Variants in DHRS12 observed in about 807,000 individuals in gnomAD.
DHRS12 encodes dehydrogenase/reductase 12.
Under a neutral mutation model 32.1 loss-of-function variants are expected in DHRS12, and 29 were observed. The ratio of observed to expected loss-of-function variants is 0.90; its 90% CI spans 0.67 to 1.23. DHRS12 has a LOEUF of 1.23. Among genes scored for constraint, DHRS12 ranks in the 50% most tolerant of loss-of-function variants. The pLI is 0.00. For synonymous variants in DHRS12, 150 were observed against 135.9 expected (o/e 1.10, Z -0.72); for missense variants, 330 against 337.2 (o/e 0.98, Z 0.17).
At chr13:51,785,250 G>A (rs1313851225) in intron 4 of DHRS12, among the ~76,000 whole-genome samples, 1 of 151,992 alleles carries the variant, frequency 6.6e-6, no homozygotes, top group Non-Finnish European at 1.5e-5. Context: ...AATGTTTATG[G>A]AACAAATAAG....
chr13:51,759,455 G>A, the DHRS12 span, among the ~76,000 whole-genome samples: 3 of 152,234 alleles, frequency 2.0e-5, no homozygotes, highest in East Asian at 5.8e-4. Flanking sequence ...CTCACAGGAG[G>A]ATCTGCAGTG....
chr13:51,779,346 C>A (rs1222623369), intron 4 of DHRS12, among the ~76,000 whole-genome samples: 8 of 152,192 alleles, frequency 5.3e-5, no homozygotes, highest in African/African-American at 1.7e-4. Flanking sequence ...GGGTAGGCCC[C>A]AAACACATCC....
chr13:51,759,180 C>A, the DHRS12 span, among the ~76,000 whole-genome samples: 1 of 152,106 alleles, frequency 6.6e-6, no homozygotes, highest in Non-Finnish European at 1.5e-5. Flanking sequence ...GACCCTGTCT[C>A]AAAATAATTA....
intron 2 of DHRS12, among the ~76,000 whole-genome samples, chr13:51,797,200 G>A (rs1228831198): frequency 6.6e-6 from 1 of 152,202 alleles, no homozygotes; most frequent in Non-Finnish European, 1.5e-5. Flanking sequence ...CTATACAGCT[G>A]CACACGCCCT....
downstream of DHRS12, chr13:51,764,664 A>G (rs1252085573): frequency 6.6e-6 from 1 of 152,216 alleles, no homozygotes; most frequent in African/African-American, 2.4e-5. Flanking sequence ...CAATGCTACT[A>G]TTAGTTTATA....
the DHRS12 span, chr13:51,760,888 C>A: frequency 6.6e-6 from 1 of 152,192 alleles, no homozygotes; most frequent in Non-Finnish European, 1.5e-5. Flanking sequence ...CTGATGGGTG[C>A]CCCCATTCCT....
intron 7 of DHRS12, among the ~76,000 whole-genome samples, chr13:51,770,566 T>A (rs1953963902): frequency 6.6e-6 from 1 of 152,146 alleles, no homozygotes. Context: ...GAAGCCATGC[T>A]CTCTGAGCAC....
At chr13:51,772,448 C>T (rs1954073656) in intron 6 of DHRS12, among the ~76,000 whole-genome samples, 1 of 152,110 alleles carries the variant, frequency 6.6e-6, no homozygotes, top group South Asian at 2.1e-4. Flanking sequence ...CGTGGTGAAA[C>T]CCAGTCTCTA....
chr13:51,769,956 A>G (rs562753216), intron 7 of DHRS12, among the ~76,000 whole-genome samples: 188 of 152,142 alleles, frequency 1.2e-3, no homozygotes, highest in Admixed American at 5.0e-3. Flanking sequence ...TCCACACCCC[A>G]TTTTCCCACA....
chr13:51,759,806 A>C, the DHRS12 span: 1 of 1,609,988 alleles, frequency 6.2e-7, no homozygotes, highest in Non-Finnish European at 8.5e-7. Context: ...GTATTTACTA[A>C]AGAAACGGTT....
chr13:51,773,347 ATG>A (rs1374683648), intron 6 of DHRS12, among the ~76,000 whole-genome samples: 1 of 152,210 alleles, frequency 6.6e-6, no homozygotes, highest in African/African-American at 2.4e-5. Flanking sequence ...ATGAAACAAA[ATG>A]TGTGTTCATG....
the DHRS12 span, chr13:51,759,647 A>C: frequency 4.2e-3 from 5,237 of 1,253,124 alleles, 20 homozygotes; most frequent in Middle Eastern, 0.013. Context: ...TGGTTTGTTA[A>C]ATGAAAAAAA....
chr13:51,798,968 T>G (rs1431963620), intron 2 of DHRS12, among the ~76,000 whole-genome samples: 1 of 152,218 alleles, frequency 6.6e-6, no homozygotes, highest in Non-Finnish European at 1.5e-5. Context: ...GAAGCACCTC[T>G]TTATAGTCAA....
intron 6 of DHRS12, among the ~76,000 whole-genome samples, chr13:51,773,610 AC>A (rs1207621920): frequency 6.6e-6 from 1 of 151,876 alleles, no homozygotes; most frequent in African/African-American, 2.4e-5. Context: ...GAGAGGAGGG[AC>A]CGCTCGCCGT....
intron 5 of DHRS12, chr13:51,776,098 T>TCTC (rs1555270057): frequency 1.6e-5 from 1 of 62,720 alleles, no homozygotes; most frequent in Admixed American, 1.9e-4. Flanking sequence ...CTACATGTAT[T>TCTC]CTACAGTATT....
chr13:51,766,957 AG>A (rs1366241173), downstream of DHRS12: 1 of 152,318 alleles, frequency 6.6e-6, no homozygotes, highest in Non-Finnish European at 1.5e-5. Context: ...TTGGAGGTGA[AG>A]ATGAGCCCTG....
chr13:51,755,059 C>A, the DHRS12 span, among the ~76,000 whole-genome samples: 1 of 152,214 alleles, frequency 6.6e-6, no homozygotes, highest in Non-Finnish European at 1.5e-5. Context: ...CTCCTGTGAT[C>A]TCTCTGCCAA....
At chr13:51,778,937 G>GTA (rs148217619) in intron 4 of DHRS12, among the ~76,000 whole-genome samples, 128 of 151,524 alleles carry the variant, frequency 8.4e-4, no homozygotes, top group African/African-American at 1.9e-3. Flanking sequence ...GGGTGTCTGT[G>GTA]TATATATATA....
At position 51,797,991 on chromosome 13, in the gene DHRS12, T is replaced by C. The variant is rs114452098; in HGVS notation, c.126+1543A>G. 1.1e-3 allele frequency: 1,522 copies of C among 1,352,376 alleles called. 10 individuals are homozygous for C. The African/African-American group carries it at 0.019, about 17-fold the overall frequency. The allele number at this position is 1,352,376 out of a possible 1,614,324, so 83.8% of individuals were successfully genotyped here. ...CTTCCTAATGAAAAATGAAGACATATGGGCTCACAGTTGACACTCTTCTGT... is the reference window on the plus strand; with the variant it reads ...CTTCCTAATGAAAAATGAAGACATACGGGCTCACAGTTGACACTCTTCTGT... On this transcript the variant is annotated intron_variant, in intron 2 of 8. Transcript: ENST00000444610.
Sources: gnomAD v4.1 joint callset for allele counts (sites outside exome capture counted in the v4.1 genomes callset) on GRCh38, gnomAD v4.1.1 for gene constraint, MANE v1.5 for transcripts, NCBI Gene and HGNC (gene_info 2026-07-23, HGNC 2026-07-21) for gene names.